The following MBD5 variants were observed in gnomAD, a reference collection of about 807,000 sequenced individuals.
MBD5 encodes methyl-CpG binding domain protein 5.
MBD5 carries 13 observed loss-of-function variants against 117.3 expected under a neutral mutation model. The ratio of observed to expected loss-of-function variants is 0.11; its 90% CI spans 0.07 to 0.18. The LOEUF (loss-of-function observed/expected upper bound fraction) is 0.18. Among genes scored for constraint, MBD5 ranks in the 10% least tolerant of loss-of-function variants. The pLI, the probability that MBD5 is intolerant of heterozygous loss-of-function variation, is 1.00. For missense variants in MBD5, 1,879 were observed against 2,093.8 expected, an observed-to-expected ratio of 0.90 and a Z score of 2.00; for synonymous variants, 727 against 766.4, an observed-to-expected ratio of 0.95 and a Z score of 0.85.
chr2:148,445,877 A>G (rs1008030427), intron 4 of MBD5, among the ~76,000 whole-genome samples: 11 of 151,266 alleles, frequency 7.3e-5, no homozygotes, highest in South Asian at 6.2e-4. Flanking sequence ...GCATTTCTCT[A>G]ATGGCCGGTG....
chr2:148,047,050 C>T (rs1326714784), intron 1 of MBD5, among the ~76,000 whole-genome samples: 1 of 152,176 alleles, frequency 6.6e-6, no homozygotes, highest in Non-Finnish European at 1.5e-5. Context: ...GCTTTATTCA[C>T]ATGCTGTCTT....
chr2:148,224,794 AC>A (rs1699779358), intron 2 of MBD5, among the ~76,000 whole-genome samples: 1 of 151,404 alleles, frequency 6.6e-6, no homozygotes, highest in Non-Finnish European at 1.5e-5. Flanking sequence ...TGCTGAATTG[AC>A]CCCTTTATCA....
chr2:148,367,443 A>G (rs1273918545), intron 4 of MBD5, among the ~76,000 whole-genome samples: 1 of 152,224 alleles, frequency 6.6e-6, no homozygotes, highest in Non-Finnish European at 1.5e-5. Flanking sequence ...CAAAACACCA[A>G]AAGCAATGGC....
chr2:148,302,190 A>T (rs542202043), intron 3 of MBD5, among the ~76,000 whole-genome samples: 1 of 152,222 alleles, frequency 6.6e-6, no homozygotes, highest in Admixed American at 6.5e-5. Flanking sequence ...TTTGAAAAAA[A>T]TCCTCTTGCT....
intron 3 of MBD5, among the ~76,000 whole-genome samples, chr2:148,236,107 T>C (rs907747920): frequency 6.6e-6 from 1 of 152,046 alleles, no homozygotes; most frequent in Non-Finnish European, 1.5e-5. Context: ...CTCCTTTTGA[T>C]AGTGAAAGGT....
rs70995314 is a variant in MBD5 at position 148,389,251 on chromosome 2, C to CATATATAT, written c.-557+46961_-557+46968dup. Among the ~76,000 whole-genome samples the CATATATAT allele has an allele frequency of 1.5e-3, 48 of 32,362 alleles. 2 individuals are homozygous for CATATATAT. Among genetic ancestry groups the CATATATAT allele is most frequent in the Non-Finnish European group, 2.3e-3 (34 of 14,794 alleles). 21.2% of individuals were successfully genotyped at this position (32,362 alleles called of 152,430 possible). On this transcript the variant is annotated intron_variant, in intron 4 of 13. Transcript: ENST00000642680. ...ATGTGATATAAATAGGAAAAAAAAA[C>CATATATAT]ATATATATATATATATATATATATA... is the stretch of plus-strand genomic sequence containing the variant.
chr2:148,066,844 A>G (rs1695208967), intron 1 of MBD5, among the ~76,000 whole-genome samples: 1 of 152,148 alleles, frequency 6.6e-6, no homozygotes, highest in African/African-American at 2.4e-5. Flanking sequence ...TACTTCATTT[A>G]CCTGCGTTTG....
chr2:148,263,276 A>G (rs1220535981), intron 3 of MBD5, among the ~76,000 whole-genome samples: 2 of 152,200 alleles, frequency 1.3e-5, no homozygotes, highest in Admixed American at 6.6e-5. Context: ...ATTGCTAAGC[A>G]TGTTTAAATA....
chr2:148,040,917 G>GCATAT (rs1558898741), intron 1 of MBD5, among the ~76,000 whole-genome samples: 1 of 152,040 alleles, frequency 6.6e-6, no homozygotes, highest in African/African-American at 2.4e-5. Context: ...AGCCACAAAA[G>GCATAT]CACTGGTAGA....
At chr2:148,345,052 A>G (rs1030558482) in intron 4 of MBD5, among the ~76,000 whole-genome samples, 1 of 151,828 alleles carries the variant, frequency 6.6e-6, no homozygotes, top group Admixed American at 6.6e-5. Context: ...GTAGAAATCA[A>G]ACTTATTTAA....
intron 3 of MBD5, among the ~76,000 whole-genome samples, chr2:148,236,246 GAC>G (rs1700089775): frequency 1.3e-5 from 2 of 152,108 alleles, no homozygotes; most frequent in Non-Finnish European, 2.9e-5. Flanking sequence ...GACTTGACTT[GAC>G]AAAGTAAATT....
intron 1 of MBD5, among the ~76,000 whole-genome samples, chr2:148,165,488 A>G (rs1698107129): frequency 6.6e-6 from 1 of 152,022 alleles, no homozygotes; most frequent in South Asian, 2.1e-4. Flanking sequence ...TGAAGTGAAT[A>G]TTTAATTTTT....
chr2:148,378,881 T>C (rs555887261), intron 4 of MBD5, among the ~76,000 whole-genome samples: 83 of 152,212 alleles, frequency 5.5e-4, no homozygotes, highest in Non-Finnish European at 9.1e-4. Flanking sequence ...AACAAATGTC[T>C]TGTGGCTTGA....
chr2:148,281,343 C>T (rs1047010753), intron 3 of MBD5, among the ~76,000 whole-genome samples: 3 of 152,068 alleles, frequency 2.0e-5, no homozygotes, highest in Non-Finnish European at 4.4e-5. Context: ...TCTACTATAT[C>T]CTTTTCTAAT....
intron 1 of MBD5, among the ~76,000 whole-genome samples, chr2:148,038,040 G>C (rs369625922): frequency 6.6e-6 from 1 of 152,042 alleles, no homozygotes; most frequent in South Asian, 2.1e-4. Flanking sequence ...TGGATCAGGA[G>C]AAAGAGACCC....
intron 1 of MBD5, 42 bp from the exon 2 acceptor site, chr2:148,178,658 A>C (rs746648847): frequency 2.5e-6 from 1 of 397,382 alleles, no homozygotes; most frequent in Non-Finnish European, 4.4e-6. Flanking sequence ...AGCAATATCT[A>C]TAATCTCAAA....
At chr2:148,430,828 A>G (rs1705962110) in intron 4 of MBD5, among the ~76,000 whole-genome samples, 1 of 152,144 alleles carries the variant, frequency 6.6e-6, no homozygotes, top group African/African-American at 2.4e-5. Context: ...CAAACAATTA[A>G]GTATTACTTT....
intron 1 of MBD5, among the ~76,000 whole-genome samples, chr2:148,074,664 C>T (rs531583624): frequency 6.6e-6 from 1 of 151,940 alleles, no homozygotes; most frequent in East Asian, 1.9e-4. Context: ...CCATTGCGCC[C>T]AGCTAATTTT....
chr2:148,140,043 T>A (rs1299238777), intron 1 of MBD5, among the ~76,000 whole-genome samples: 1 of 152,202 alleles, frequency 6.6e-6, no homozygotes, highest in East Asian at 1.9e-4. Flanking sequence ...TTAAAGATTA[T>A]CTAGTCTAAT....
Sources: allele counts gnomAD v4.1 joint callset (sites outside exome capture counted in the v4.1 genomes callset), GRCh38; gene constraint gnomAD v4.1.1; transcripts MANE v1.5; gene names NCBI Gene and HGNC (gene_info 2026-07-23, HGNC 2026-07-21).